Variants in PGM2 observed in about 807,000 individuals in gnomAD.
PGM2 encodes the protein phosphoglucomutase 2.
A neutral mutation model predicts 74.6 loss-of-function variants in PGM2; 57 were observed. That is an observed-to-expected ratio of 0.76 (90% CI 0.62 to 0.95). The LOEUF (loss-of-function observed/expected upper bound fraction) is 0.95, where lower values mean the gene tolerates loss of function less well. PGM2 is among the 40% of genes least tolerant of loss of function. PGM2 has a pLI of 0.00. For synonymous variants in PGM2, 273 were observed against 260.7 expected (o/e 1.05, Z -0.46); for missense variants, 706 against 741.9 (o/e 0.95, Z 0.56).
chr4:37,833,130 GCCTTATTT>G (rs1282552850), intron 2 of PGM2, among the ~76,000 whole-genome samples: 8 of 152,160 alleles, frequency 5.3e-5, no homozygotes, highest in Admixed American at 6.6e-5. Context: ...AATACACATG[GCCTTATTT>G]CCTTGTATCA....
chr4:37,844,439 A>G lies in PGM2; in HGVS notation c.795A>G (p.Ser265=). The G allele has an allele frequency of 6.2e-7, 1 of 1,613,812 alleles. No individual in the cohort carries two copies. The highest frequency in any genetic ancestry group is 1.1e-5 in the South Asian group (1 of 91,076). ...GGGTGGGTCATAGCTTTGTGCAGTC[A>G]GCTTTCAAGGCTTTTGACCTTGTTC... ...VHGVGHSFVQ[S]AFKAFDLVPP... Residue 265 remains serine, a synonymous_variant, in exon 7 of 14, where the codon TCA becomes TCG. Coordinates refer to ENST00000381967, the MANE Select transcript of PGM2 (RefSeq NM_018290.4).
At position 37,845,526 on chromosome 4, in the gene PGM2, T is replaced by C. The variant is rs1221842361; in HGVS notation, c.910-107T>C. 5 of 739,966 alleles carry C rather than the reference T, an allele frequency of 6.8e-6. No individual in the cohort carries two copies. The African/African-American group carries it at 8.8e-5, about 13-fold the overall frequency. 45.8% of individuals were successfully genotyped at this position (739,966 alleles called of 1,614,324 possible). On this transcript the variant is annotated intron_variant, in intron 7 of 13. Coordinates refer to ENST00000381967, the MANE Select transcript of PGM2 (RefSeq NM_018290.4). ...CTTGGTTGGTCCTATATTATCTTTC[T>C]AAGAGGGGAAAGACCTCTTGAGTTC...
chr4:37,834,993 C>T (rs1219207409), intron 3 of PGM2, among the ~76,000 whole-genome samples: 1 of 152,066 alleles, frequency 6.6e-6, no homozygotes, highest in Admixed American at 6.6e-5. Flanking sequence ...TCTCATTTGC[C>T]TTTTTATACA....
intron 7 of PGM2, among the ~76,000 whole-genome samples, chr4:37,845,331 G>A (rs748667687): frequency 2.0e-5 from 3 of 152,152 alleles, no homozygotes; most frequent in Admixed American, 1.3e-4. Flanking sequence ...GCAATGCCCC[G>A]AAATACCAGT....
chr4:37,827,629 A>C (rs59413748), intron 1 of PGM2, among the ~76,000 whole-genome samples: 1,790 of 152,186 alleles, frequency 0.012, 40 homozygotes, highest in African/African-American at 0.041. Flanking sequence ...CCGAAGCGTT[A>C]AATTATTTAT....
rs1260834687 is a variant in PGM2, at chr4:37,847,107, T to G, written c.1184T>G (p.Phe395Cys). 6.2e-7 allele frequency: 1 copy of G among 1,612,582 alleles called. No homozygotes were observed. Among genetic ancestry groups the G allele is most frequent in the Non-Finnish European group, 8.5e-7 (1 of 1,178,924 alleles). ...RAIALKEGFH[F>C]EETLTGFKWM... ...ATTGCCTTAAAGGAAGGTTTTCATT[T>G]TGAGGTAGGGTGTTTCTGGGACTCA... Residue 395 changes from phenylalanine (F) to cysteine (C), a missense_variant, in exon 9 of 14, where the codon TTT (phenylalanine) becomes TGT (cysteine). This residue lies in a region of PGM2 where 359 missense variants were observed against 371.1 expected (regional missense o/e 0.97). Transcript: ENST00000381967.
At chr4:37,843,078 G>A (rs770228169) in intron 6 of PGM2, among the ~76,000 whole-genome samples, 16 of 152,172 alleles carry the variant, frequency 1.1e-4, no homozygotes, top group Non-Finnish European at 2.2e-4. Context: ...CAGTCACACA[G>A]CTTATAGATG....
At chr4:37,859,419 C>T (rs562809344) in intron 13 of PGM2, among the ~76,000 whole-genome samples, 1 of 152,152 alleles carries the variant, frequency 6.6e-6, no homozygotes, top group Non-Finnish European at 1.5e-5. Context: ...AGTCTGAAAT[C>T]TGCAGGGCAG....
At chr4:37,856,327 GT>G (rs1726197186) in intron 13 of PGM2, among the ~76,000 whole-genome samples, 1 of 152,170 alleles carries the variant, frequency 6.6e-6, no homozygotes. Context: ...GGAGCTTGCA[GT>G]GAGCCGAGAC....
intron 12 of PGM2, among the ~76,000 whole-genome samples, chr4:37,850,758 A>G (rs1471848761): frequency 6.6e-6 from 1 of 152,168 alleles, no homozygotes; most frequent in Non-Finnish European, 1.5e-5. Context: ...TGGGAGGCCG[A>G]GGCAGGTGGA....
intron 4 of PGM2, chr4:37,839,469 G>A (rs922886900): frequency 2.3e-6 from 1 of 435,612 alleles, no homozygotes; most frequent in Non-Finnish European, 4.6e-6. Flanking sequence ...GGAGGAGAGG[G>A]AGAAGCAGTT....
In PGM2 at chr4:37,854,476, G is replaced by C. The variant is rs181320850; in HGVS notation, c.1603-1132G>C. 3.3e-5 allele frequency among the ~76,000 whole-genome samples: 5 copies of C among 152,094 alleles called. No homozygotes were observed. In the East Asian group the frequency reaches 7.8e-4, roughly 24 times the overall value. On this transcript the variant is annotated intron_variant, in intron 12 of 13. Transcript: ENST00000381967. ...AGTGACTCTCCTGCATCAGCTTCCTGAGTAGCTGAGATTACAGGCACCCGC... is the reference window on the plus strand; with the variant it reads ...AGTGACTCTCCTGCATCAGCTTCCTCAGTAGCTGAGATTACAGGCACCCGC...
chr4:37,843,610 AT>A (rs773740070), intron 6 of PGM2, among the ~76,000 whole-genome samples: 219 of 137,016 alleles, frequency 1.6e-3, no homozygotes, highest in African/African-American at 2.6e-3. Flanking sequence ...TATTATTATT[AT>A]TTTTTTTTTT....
rs112186779 is a variant in PGM2 at position 37,846,913 on chromosome 4, G to GTTTT, written c.1008-11_1008-8dup. ...ATTATGGAAATGAATGGTGGTTGTT[G>GTTTT]TTTTTTTTTTCTTTCAGTGGTGAAT... On this transcript the variant is annotated splice_polypyrimidine_tract_variant and intron_variant, in intron 8 of 13. Coordinates refer to ENST00000381967, the MANE Select transcript of PGM2 (RefSeq NM_018290.4). 3 of 1,331,524 alleles carry GTTTT rather than the reference G, an allele frequency of 2.3e-6. No homozygotes were observed. Among genetic ancestry groups the GTTTT allele is most frequent in the Non-Finnish European group, 3.1e-6 (3 of 974,130 alleles). 82.5% of individuals were successfully genotyped at this position (1,331,524 alleles called of 1,614,324 possible). A position where few individuals can be genotyped will look rare whatever the true frequency, so the allele number is the denominator to read the frequency against.
chr4:37,851,597 A>AAT (rs1275247457), intron 12 of PGM2, among the ~76,000 whole-genome samples: 1 of 152,164 alleles, frequency 6.6e-6, no homozygotes, highest in Non-Finnish European at 1.5e-5. Flanking sequence ...ATATTTTTAA[A>AAT]ATAGAAATAG....
At chr4:37,844,823 C>T (rs926933562) in intron 7 of PGM2, among the ~76,000 whole-genome samples, 1 of 151,962 alleles carries the variant, frequency 6.6e-6, no homozygotes, top group Non-Finnish European at 1.5e-5. Context: ...CAAAAATTAG[C>T]TGGGTGTGGT....
chr4:37,842,686 G>A (rs1459794576), intron 6 of PGM2, among the ~76,000 whole-genome samples: 1 of 149,340 alleles, frequency 6.7e-6, no homozygotes, highest in Non-Finnish European at 1.5e-5. Context: ...TTTGAGACAG[G>A]TTCTCACATT....
chr4:37,860,901 C>T (rs6820778), intron 13 of PGM2, among the ~76,000 whole-genome samples: 114,826 of 152,040 alleles, frequency 0.76, 43,982 homozygotes, highest in African/African-American at 0.88. Flanking sequence ...GTTTATACTT[C>T]AGTTGTGAAT....
intron 13 of PGM2, 64 bp downstream of exon 13, chr4:37,855,805 A>G: frequency 7.4e-7 from 1 of 1,345,812 alleles, no homozygotes; most frequent in South Asian, 1.5e-5. Context: ...GTTCTATTCA[A>G]ATGCCAAGTG....
Sources: gnomAD v4.1 joint callset for allele counts (sites outside exome capture counted in the v4.1 genomes callset) on GRCh38, gnomAD v4.1.1 for gene constraint, gnomAD v4.1.1 regional missense constraint, MANE v1.5 for transcripts, NCBI Gene and HGNC (gene_info 2026-07-23, HGNC 2026-07-21) for gene names.